CDC42SE2: variants seen among roughly 807,000 people sequenced by gnomAD.
CDC42SE2 encodes the protein CDC42 small effector 2, also known as CDC42 small effector protein 2.
A neutral mutation model predicts 11.5 loss-of-function variants in CDC42SE2; 3 were observed. The observed-to-expected ratio is 0.26, with a 90% CI of 0.12 to 0.67. CDC42SE2 has a LOEUF of 0.67. CDC42SE2 is among the 30% of genes least tolerant of loss of function. The probability of loss-of-function intolerance (pLI) is 0.80; values close to 1 mark genes in which losing one functional copy is unlikely to be tolerated. For synonymous variants in CDC42SE2, 33 were observed against 34.8 expected (o/e 0.95, Z 0.18); for missense variants, 82 against 106.8 (o/e 0.77, Z 1.02).
chr5:131,394,297 A>AGGTACTTTCCCATGATGTAG lies in CDC42SE2; in HGVS notation c.*3208_*3227dup, dbSNP rs1233667866. 6.6e-6 allele frequency: 1 copy of AGGTACTTTCCCATGATGTAG among 152,488 alleles called. No homozygotes were observed. Among genetic ancestry groups the AGGTACTTTCCCATGATGTAG allele is most frequent in the East Asian group, 1.9e-4 (1 of 5,326 alleles). The allele number at this position is 152,488 out of a possible 1,614,324, so 9.4% of individuals were successfully genotyped here. On this transcript the variant is annotated 3_prime_UTR_variant, in exon 5 of 5. Transcript: ENST00000505065. The stretch of plus-strand genomic sequence containing the variant: ...AGCAGTGATCTGCATTCTGTAAAAG[A>AGGTACTTTCCCATGATGTAG]GGTACTTTCCCATGATGTAGGCATG...
the CDC42SE2 span, among the ~76,000 whole-genome samples, chr5:131,216,095 C>T: frequency 2.0e-5 from 3 of 152,232 alleles, no homozygotes; most frequent in Non-Finnish European, 4.4e-5. Flanking sequence ...GAGGAAAATG[C>T]TCAGTGTTTA....
chr5:131,233,197 G>A, the CDC42SE2 span, among the ~76,000 whole-genome samples: 2 of 152,014 alleles, frequency 1.3e-5, no homozygotes, highest in Non-Finnish European at 2.9e-5. Context: ...ATTTCTTGGA[G>A]ATTATTTCCT....
rs184350437 is a variant in CDC42SE2, at chr5:131,361,104, T to C, written c.54+1557T>C. Among the ~76,000 whole-genome samples, 5 of 150,500 alleles carry C rather than the reference T, an allele frequency of 3.3e-5. No individual in the cohort carries two copies. The East Asian group carries it at 7.7e-4, about 23-fold the overall frequency. On this transcript the variant is annotated intron_variant, in intron 3 of 4. Coordinates refer to ENST00000505065, the MANE Select transcript of CDC42SE2 (RefSeq NM_001375635.1). ...TTTTTTGGATTGCATTGAATTTATT[T>C]TATTTTATTTATTTATTTATTTTTT... is the stretch of plus-strand genomic sequence containing the variant.
At position 131,325,877 on chromosome 5, in the gene CDC42SE2, T is replaced by C. The variant is rs182465082; in HGVS notation, c.-286+9733T>C. ...CTTCTATTGTATTTGTAGATTCCCATTGGTTTAAGCAAATCAGCCTAATCC... is the reference window on the plus strand; with the variant it reads ...CTTCTATTGTATTTGTAGATTCCCACTGGTTTAAGCAAATCAGCCTAATCC... On this transcript the variant is annotated intron_variant, in intron 2 of 4. Transcript: ENST00000505065. Among the ~76,000 whole-genome samples, 7 of 152,312 alleles carry C rather than the reference T, an allele frequency of 4.6e-5. No homozygotes were observed. In the East Asian group the frequency reaches 9.6e-4, roughly 21 times the overall value.
chr5:131,275,962 A>G (rs2149697345), intron 1 of CDC42SE2, among the ~76,000 whole-genome samples: 1 of 152,210 alleles, frequency 6.6e-6, no homozygotes, highest in Middle Eastern at 3.4e-3. Flanking sequence ...AGTAGTATTT[A>G]TTAAATGCAT....
intron 2 of CDC42SE2, among the ~76,000 whole-genome samples, chr5:131,317,196 C>T (rs1355382918): frequency 6.6e-6 from 1 of 152,060 alleles, no homozygotes; most frequent in Non-Finnish European, 1.5e-5. Context: ...TTTAAGACTT[C>T]CAGTATGTAA....
At chr5:131,232,754 A>C in the CDC42SE2 span, among the ~76,000 whole-genome samples, 1 of 94,604 alleles carries the variant, frequency 1.1e-5, no homozygotes. Context: ...AAAAAAAAAA[A>C]ACAAAACAGA....
intron 1 of CDC42SE2, among the ~76,000 whole-genome samples, chr5:131,310,574 G>A (rs1213855573): frequency 1.3e-5 from 2 of 151,558 alleles, no homozygotes; most frequent in East Asian, 3.9e-4. Flanking sequence ...ATTAATGTGT[G>A]GGAGTCTAAG....
At position 131,342,382 on chromosome 5, in the gene CDC42SE2, A is replaced by G. The variant is rs953052884; in HGVS notation, c.-285-16827A>G. Among the ~76,000 whole-genome samples, 14 of 129,544 alleles carry G rather than the reference A, an allele frequency of 1.1e-4. No homozygotes were observed. In the South Asian group the frequency reaches 1.5e-3, roughly 14 times the overall value. 85.0% of individuals were successfully genotyped at this position (129,544 alleles called of 152,430 possible). On this transcript the variant is annotated intron_variant, in intron 2 of 4. Transcript: ENST00000505065. Reference sequence around the variant, plus strand: ...CACAGGTCAGAGATTTGCCATTTTTAATAGTCTTTTTTTTTTTTTTTTTTT... The same window carrying G: ...CACAGGTCAGAGATTTGCCATTTTTGATAGTCTTTTTTTTTTTTTTTTTTT...
At chr5:131,347,733 C>G (rs932930953) in intron 2 of CDC42SE2, among the ~76,000 whole-genome samples, 1 of 152,084 alleles carries the variant, frequency 6.6e-6, no homozygotes, top group Non-Finnish European at 1.5e-5. Context: ...TGATGAACAT[C>G]AATGCAAAAA....
intron 1 of CDC42SE2, among the ~76,000 whole-genome samples, chr5:131,268,051 A>ATTTT (rs1756907798): frequency 1.3e-5 from 1 of 78,108 alleles, no homozygotes; most frequent in Non-Finnish European, 2.5e-5. Context: ...GTACATGCTT[A>ATTTT]TTCTTTTTTT....
intron 2 of CDC42SE2, among the ~76,000 whole-genome samples, chr5:131,346,783 C>A (rs537157799): frequency 6.6e-6 from 1 of 152,160 alleles, no homozygotes; most frequent in Non-Finnish European, 1.5e-5. Context: ...TGTAAAAGAA[C>A]AGAAATTATA....
At chr5:131,334,819 T>C (rs1259665613) in intron 2 of CDC42SE2, among the ~76,000 whole-genome samples, 4 of 152,204 alleles carry the variant, frequency 2.6e-5, no homozygotes, top group African/African-American at 4.8e-5. Context: ...ATATCCCCTT[T>C]ATCATTTTTT....
intron 3 of CDC42SE2, among the ~76,000 whole-genome samples, chr5:131,376,609 A>G (rs1750163401): frequency 6.6e-6 from 1 of 152,168 alleles, no homozygotes; most frequent in Non-Finnish European, 1.5e-5. Context: ...GGTAATAGGC[A>G]TAGTAACCAT....
intron 1 of CDC42SE2, among the ~76,000 whole-genome samples, chr5:131,307,481 C>G (rs1201198950): frequency 6.6e-5 from 10 of 152,150 alleles, no homozygotes; most frequent in African/African-American, 1.2e-4. Context: ...GGACATTTGG[C>G]TTGGTTCCAA....
chr5:131,218,118 A>G, the CDC42SE2 span, among the ~76,000 whole-genome samples: 2 of 150,494 alleles, frequency 1.3e-5, no homozygotes, highest in Admixed American at 6.7e-5. Context: ...CAAGGCTGCA[A>G]TGAGACATGA....
At chr5:131,244,565 G>T (rs748100541), upstream of CDC42SE2, among the ~76,000 whole-genome samples, 8 of 152,162 alleles carry the variant, frequency 5.3e-5, no homozygotes, top group Non-Finnish European at 1.0e-4. Context: ...AGAAAAATTA[G>T]CTGGGCATGG....
At chr5:131,273,356 A>G (rs1420360810) in intron 1 of CDC42SE2, among the ~76,000 whole-genome samples, 3 of 150,066 alleles carry the variant, frequency 2.0e-5, no homozygotes, top group Non-Finnish European at 4.5e-5. Flanking sequence ...GGGTTTCACC[A>G]TGATGGCCAG....
At chr5:131,336,352 A>T (rs906805844) in intron 2 of CDC42SE2, among the ~76,000 whole-genome samples, 2 of 152,180 alleles carry the variant, frequency 1.3e-5, no homozygotes, top group Non-Finnish European at 1.5e-5. Flanking sequence ...TGTTAGTCTG[A>T]TGGGCTTCCC....
Sources: gnomAD v4.1 joint callset for allele counts (sites outside exome capture counted in the v4.1 genomes callset) on GRCh38, gnomAD v4.1.1 for gene constraint, MANE v1.5 for transcripts, NCBI Gene and HGNC (gene_info 2026-07-23, HGNC 2026-07-21) for gene names.